The following CRIM1 variants were observed in gnomAD, a reference collection of about 807,000 sequenced individuals.
CRIM1 encodes the protein cysteine-rich motor neuron 1 protein.
A neutral mutation model predicts 116.4 loss-of-function variants in CRIM1; 32 were observed. The ratio of observed to expected loss-of-function variants is 0.27; its 90% CI spans 0.21 to 0.37. The LOEUF (loss-of-function observed/expected upper bound fraction) is 0.37, where lower values mean the gene tolerates loss of function less well. Among genes scored for constraint, CRIM1 ranks in the 10% least tolerant of loss-of-function variants. The pLI, the probability that CRIM1 is intolerant of heterozygous loss-of-function variation, is 1.00. For synonymous variants in CRIM1, 590 were observed against 509.2 expected (o/e 1.16, Z -2.13); for missense variants, 1,331 against 1,354.8 (o/e 0.98, Z 0.28).
chr2:36,418,566 G>A (rs1018421884), intron 2 of CRIM1, among the ~76,000 whole-genome samples: 11 of 152,058 alleles, frequency 7.2e-5, no homozygotes, highest in Admixed American at 6.6e-4. Context: ...GCATTACAGG[G>A]GTGAGCCACC....
At position 36,356,549 on chromosome 2, in the gene CRIM1, G is replaced by A. The variant is rs145554366; in HGVS notation, c.257G>A (p.Arg86Gln). The A allele has an allele frequency of 9.9e-6, 16 of 1,612,154 alleles. No homozygotes were observed. The highest frequency in any genetic ancestry group is 1.4e-5 in the Non-Finnish European group (16 of 1,179,748). Residue 86 changes from arginine (R) to glutamine (Q), a missense_variant, in exon 1 of 17, where the codon CGG (arginine) becomes CAG (glutamine). Transcript: ENST00000280527. The surrounding 1 kb of genome is among the most constrained non-coding windows in gnomAD (Gnocchi z 4.3). The stretch of plus-strand genomic sequence containing the variant: ...TTCGGGATTTACGGAACCTGCGACC[G>A]GGGGCTGCGTTGTGTCATCCGCCCC... ...GTFGIYGTCD[R>Q]GLRCVIRPPL...
intron 2 of CRIM1, among the ~76,000 whole-genome samples, chr2:36,430,773 C>CA (rs1244530710): frequency 6.6e-6 from 1 of 152,184 alleles, no homozygotes; most frequent in Non-Finnish European, 1.5e-5. Flanking sequence ...AGCACTTTCT[C>CA]ACCAGGGAGA....
chr2:36,426,841 A>G (rs1312502822), intron 2 of CRIM1, among the ~76,000 whole-genome samples: 1 of 152,190 alleles, frequency 6.6e-6, no homozygotes, highest in Non-Finnish European at 1.5e-5. Flanking sequence ...AAAGGATAGC[A>G]TTGACATAAA....
At chr2:36,419,626 C>T (rs1673900579) in intron 2 of CRIM1, among the ~76,000 whole-genome samples, 1 of 152,130 alleles carries the variant, frequency 6.6e-6, no homozygotes, top group Non-Finnish European at 1.5e-5. Context: ...GGTCTTGTGC[C>T]TCCTAGGGGG....
At chr2:36,519,415 T>C (rs1558394990) in intron 12 of CRIM1, among the ~76,000 whole-genome samples, 1 of 152,216 alleles carries the variant, frequency 6.6e-6, no homozygotes, top group Non-Finnish European at 1.5e-5. Flanking sequence ...CCTGGATTTT[T>C]TTCTTTACCT....
chr2:36,371,698 G>A (rs890674691), intron 1 of CRIM1, among the ~76,000 whole-genome samples: 13 of 152,112 alleles, frequency 8.5e-5, no homozygotes, highest in African/African-American at 3.1e-4. Context: ...TTATTTGTGT[G>A]GACTTTTCTT....
chr2:36,387,902 A>G (rs1299313729), intron 1 of CRIM1, among the ~76,000 whole-genome samples: 1 of 145,710 alleles, frequency 6.9e-6, no homozygotes, highest in Non-Finnish European at 1.5e-5. Flanking sequence ...ATCCTCCTTG[A>G]TTCTTTGGAC....
chr2:36,445,392 A>G (rs1180677143), intron 4 of CRIM1, among the ~76,000 whole-genome samples: 1 of 152,182 alleles, frequency 6.6e-6, no homozygotes, highest in African/African-American at 2.4e-5. Context: ...TTGCTCATCC[A>G]GCAGGACTCT....
At chr2:36,379,936 G>T (rs528637285) in intron 1 of CRIM1, among the ~76,000 whole-genome samples, 7 of 151,456 alleles carry the variant, frequency 4.6e-5, no homozygotes, top group Admixed American at 3.3e-4. Context: ...TTTATGGGAG[G>T]AATGTAGACA....
intron 2 of CRIM1, among the ~76,000 whole-genome samples, chr2:36,403,234 T>G (rs1246454785): frequency 6.6e-6 from 1 of 152,190 alleles, no homozygotes; most frequent in Non-Finnish European, 1.5e-5. Flanking sequence ...CAGTGAACAT[T>G]TTGCAAAAGG....
At chr2:36,429,666 T>A (rs34439217) in intron 2 of CRIM1, among the ~76,000 whole-genome samples, 30,252 of 152,038 alleles carry the variant, frequency 0.2, 3,575 homozygotes, top group East Asian at 0.56. Flanking sequence ...TGTTTGCAAG[T>A]GGATATGGTA....
rs558487233 is a variant in CRIM1 at position 36,478,164 on chromosome 2, T to C, written c.1174+1093T>C. Among the ~76,000 whole-genome samples, 54 of 152,356 alleles carry C rather than the reference T, an allele frequency of 3.5e-4. No individual in the cohort carries two copies. The South Asian group carries it at 0.011, about 30-fold the overall frequency. On this transcript the variant is annotated intron_variant, in intron 6 of 16. Transcript: ENST00000280527. ...ATTGAAGATCTGAAAATGTTTAAAG[T>C]ATAAAAATTGCATTCCTAACATAGT...
intron 2 of CRIM1, among the ~76,000 whole-genome samples, chr2:36,406,932 A>G (rs1472363094): frequency 1.3e-5 from 2 of 152,144 alleles, no homozygotes; most frequent in Non-Finnish European, 2.9e-5. Flanking sequence ...AAGTTTAGAA[A>G]CACTAAGTCC....
chr2:36,420,035 C>T (rs1195480685), intron 2 of CRIM1, among the ~76,000 whole-genome samples: 3 of 152,142 alleles, frequency 2.0e-5, no homozygotes, highest in African/African-American at 4.8e-5. Context: ...TCTGTTTCCT[C>T]TTATTGTTTT....
At chr2:36,539,969 AAATAG>A (rs1244175763) in intron 14 of CRIM1, among the ~76,000 whole-genome samples, 1 of 152,136 alleles carries the variant, frequency 6.6e-6, no homozygotes, top group African/African-American at 2.4e-5. Flanking sequence ...GGGTAAGAAT[AAATAG>A]AAAAGAAAAG....
intron 1 of CRIM1, among the ~76,000 whole-genome samples, chr2:36,388,129 C>G (rs1414111347): frequency 6.6e-6 from 1 of 152,046 alleles, no homozygotes; most frequent in South Asian, 2.1e-4. Context: ...ATAGAAACTT[C>G]CAAATATATA....
intron 7 of CRIM1, among the ~76,000 whole-genome samples, chr2:36,489,791 GC>G (rs368373130): frequency 1.4e-3 from 209 of 152,250 alleles, no homozygotes; most frequent in African/African-American, 4.5e-3. Context: ...ATCTAGCAAG[GC>G]CCCCATCATG....
intron 6 of CRIM1, among the ~76,000 whole-genome samples, chr2:36,478,894 T>G (rs1417687244): frequency 6.6e-6 from 1 of 152,158 alleles, no homozygotes; most frequent in Non-Finnish European, 1.5e-5. Context: ...GGGCTGCAGC[T>G]TAGCTTCCCA....
chr2:36,493,040 G>A (rs538764398), intron 7 of CRIM1, among the ~76,000 whole-genome samples: 87 of 152,292 alleles, frequency 5.7e-4, no homozygotes, highest in Admixed American at 1.2e-3. Flanking sequence ...TAAGAGAAAC[G>A]AGAGACAGAT....
Sources: gnomAD v4.1 joint callset for allele counts (sites outside exome capture counted in the v4.1 genomes callset) on GRCh38, gnomAD v4.1.1 for gene constraint, Gnocchi (gnomAD v3.1) non-coding constraint, MANE v1.5 for transcripts, NCBI Gene and HGNC (gene_info 2026-07-23, HGNC 2026-07-21) for gene names.